DENND5B: variants seen among roughly 807,000 people sequenced by gnomAD.
DENND5B encodes DENN domain-containing protein 5B.
DENND5B carries 34 observed loss-of-function variants against 140.6 expected under a neutral mutation model. The ratio of observed to expected loss-of-function variants is 0.24; its 90% CI spans 0.18 to 0.32. The LOEUF is 0.32. Among genes scored for constraint, DENND5B ranks in the 10% least tolerant of loss-of-function variants. DENND5B has a pLI of 1.00. For missense variants in DENND5B, 1,142 were observed against 1,560.2 expected (o/e 0.73, Z 4.52); for synonymous variants, 551 against 562.1 (o/e 0.98, Z 0.28).
At chr12:31,511,793 T>C (rs555783837) in intron 1 of DENND5B, among the ~76,000 whole-genome samples, 6 of 152,266 alleles carry the variant, frequency 3.9e-5, no homozygotes, top group African/African-American at 1.4e-4. Flanking sequence ...AGGTCTGAAT[T>C]ATATACTCCA....
intron 1 of DENND5B, among the ~76,000 whole-genome samples, chr12:31,535,496 C>A (rs1480106727): frequency 3.9e-5 from 6 of 152,094 alleles, no homozygotes; most frequent in Non-Finnish European, 8.8e-5. Context: ...CGAAGAGAAC[C>A]AGAGTCTCTG....
intron 5 of DENND5B, among the ~76,000 whole-genome samples, chr12:31,449,731 GTTT>G (rs771712867): frequency 1.1e-5 from 1 of 89,966 alleles, no homozygotes; most frequent in African/African-American, 4.1e-5. Flanking sequence ...ACACAGATTA[GTTT>G]TTTTTTTTTT....
At chr12:31,585,547 ATAAC>A (rs1950368482) in intron 1 of DENND5B, among the ~76,000 whole-genome samples, 1 of 152,224 alleles carries the variant, frequency 6.6e-6, no homozygotes, top group African/African-American at 2.4e-5. Context: ...TTTAAATAGA[ATAAC>A]TATGGAGCAT....
At chr12:31,478,564 G>A (rs770643600) in intron 3 of DENND5B, among the ~76,000 whole-genome samples, 15 of 152,028 alleles carry the variant, frequency 9.9e-5, no homozygotes, top group African/African-American at 1.7e-4. Context: ...TAGCTGATGC[G>A]GTGGCACATT....
At chr12:31,574,799 T>A (rs560317434) in intron 1 of DENND5B, among the ~76,000 whole-genome samples, 1 of 152,334 alleles carries the variant, frequency 6.6e-6, no homozygotes, top group East Asian at 1.9e-4. Flanking sequence ...CTATGAAGAA[T>A]ATACAAGATT....
chr12:31,549,326 T>C (rs1948962066), intron 1 of DENND5B, among the ~76,000 whole-genome samples: 1 of 152,166 alleles, frequency 6.6e-6, no homozygotes, highest in South Asian at 2.1e-4. Flanking sequence ...GACTTTTTCC[T>C]TAATTCTAAG....
chr12:31,513,218 T>C (rs1947493910), intron 1 of DENND5B, among the ~76,000 whole-genome samples: 1 of 152,262 alleles, frequency 6.6e-6, no homozygotes, highest in Admixed American at 6.5e-5. Flanking sequence ...CATCACTTAA[T>C]ATCAATGATT....
intron 1 of DENND5B, among the ~76,000 whole-genome samples, chr12:31,510,644 C>G (rs989271832): frequency 5.9e-5 from 9 of 152,280 alleles, no homozygotes; most frequent in Admixed American, 5.2e-4. Flanking sequence ...CAAATCAAAC[C>G]ATCTTGCACT....
chr12:31,387,710 G>A lies in DENND5B; in HGVS notation c.3718C>T (p.Leu1240Phe). ...AITRMYEESALLRDRMTVNSL... is the reference protein window; with the variant it reads ...AITRMYEESAFLRDRMTVNSL... ...TTGACAGTCATGCGGTCTCGCAGGAGAGCGCTCTCTTCATACATTCGAGTG... is the reference window on the plus strand; with the variant it reads ...TTGACAGTCATGCGGTCTCGCAGGAAAGCGCTCTCTTCATACATTCGAGTG... The change falls in exon 21 of 21, where the codon CTC becomes TTC. Residue 1240 changes from leucine to phenylalanine, a missense_variant. Coordinates refer to ENST00000389082, the MANE Select transcript of DENND5B (RefSeq NM_144973.4). 6.2e-7 allele frequency: 1 copy of A among 1,614,044 alleles called. No homozygotes were observed. The highest frequency in any genetic ancestry group is 1.1e-5 in the South Asian group (1 of 91,068).
At chr12:31,414,903 C>A (rs1942645723) in intron 12 of DENND5B, among the ~76,000 whole-genome samples, 1 of 142,106 alleles carries the variant, frequency 7.0e-6, no homozygotes, top group African/African-American at 2.6e-5. Context: ...GCCTGGGCAA[C>A]AGAATGAGAC....
At position 31,471,490 on chromosome 12, in the gene DENND5B, A is replaced by T. The variant is rs1036150256; in HGVS notation, c.904+8099T>A. Among the ~76,000 whole-genome samples, 3 of 131,256 alleles carry T rather than the reference A, an allele frequency of 2.3e-5. No individual in the cohort carries two copies. In the East Asian group the frequency reaches 6.9e-4, roughly 30 times the overall value. 86.1% of individuals were successfully genotyped at this position (131,256 alleles called of 152,430 possible). ...TTTTTTTTTTTTTTTTTGTAGAGAC[A>T]GGGTTTCGTGATGTTGGCCAGGCTG... is the stretch of plus-strand genomic sequence containing the variant. On this transcript the variant is annotated intron_variant, in intron 3 of 20. Transcript: ENST00000389082.
intron 1 of DENND5B, among the ~76,000 whole-genome samples, chr12:31,550,758 C>T (rs376095296): frequency 6.6e-6 from 1 of 152,182 alleles, no homozygotes; most frequent in South Asian, 2.1e-4. Context: ...ATCGCCATTC[C>T]AACTGGTGTG....
intron 1 of DENND5B, among the ~76,000 whole-genome samples, chr12:31,577,903 T>C (rs993889237): frequency 6.6e-6 from 1 of 151,832 alleles, no homozygotes; most frequent in East Asian, 1.9e-4. Context: ...GGCAGACTGA[T>C]AGCTTGAGCT....
chr12:31,577,458 C>A (rs1950052810), intron 1 of DENND5B, among the ~76,000 whole-genome samples: 1 of 152,196 alleles, frequency 6.6e-6, no homozygotes, highest in African/African-American at 2.4e-5. Context: ...CGCCTGTAAT[C>A]CCAGCACTTT....
intron 13 of DENND5B, 39 bp from the exon 14 acceptor site, chr12:31,409,423 A>AAC: frequency 6.9e-7 from 1 of 1,455,428 alleles, no homozygotes; most frequent in South Asian, 1.4e-5. Context: ...AGTAGTATCA[A>AAC]AGAAAAAAAA....
intron 1 of DENND5B, among the ~76,000 whole-genome samples, chr12:31,582,964 T>C (rs925367935): frequency 2.0e-5 from 3 of 152,322 alleles, no homozygotes; most frequent in Non-Finnish European, 2.9e-5. Context: ...TGAAGTAAAG[T>C]ATTCATTCTC....
At chr12:31,406,436 T>C (rs1234157175) in intron 14 of DENND5B, among the ~76,000 whole-genome samples, 2 of 152,194 alleles carry the variant, frequency 1.3e-5, no homozygotes, top group African/African-American at 4.8e-5. Flanking sequence ...TTATTTTGGC[T>C]TTAGGATAGG....
At chr12:31,406,888 C>T (rs1942152488) in intron 14 of DENND5B, among the ~76,000 whole-genome samples, 1 of 152,018 alleles carries the variant, frequency 6.6e-6, no homozygotes, top group Admixed American at 6.6e-5. Flanking sequence ...CAACCTCTGC[C>T]TCCCGGGTTC....
rs148928244 is a variant in DENND5B, at chr12:31,588,538, A to T, written c.127+2168T>A. Reference sequence around the variant, plus strand: ...ATTATTCCCTAAACAATACAGTATAACAACTATTTACATAACATTACAACG... The same window carrying T: ...ATTATTCCCTAAACAATACAGTATATCAACTATTTACATAACATTACAACG... On this transcript the variant is annotated intron_variant, in intron 1 of 20. Coordinates refer to ENST00000389082, the MANE Select transcript of DENND5B (RefSeq NM_144973.4). Among the ~76,000 whole-genome samples the T allele has an allele frequency of 4.1e-3, 630 of 152,352 alleles. 5 individuals carry two copies. The highest frequency in any genetic ancestry group is 0.014 in the African/African-American group (574 of 41,568).
Sources: gnomAD v4.1 joint callset for allele counts (sites outside exome capture counted in the v4.1 genomes callset) on GRCh38, gnomAD v4.1.1 for gene constraint, MANE v1.5 for transcripts, NCBI Gene and HGNC (gene_info 2026-07-23, HGNC 2026-07-21) for gene names.